The following EVI5 variants were observed in gnomAD, a reference collection of about 807,000 sequenced individuals.
EVI5 encodes ecotropic viral integration site 5 protein homolog.
A neutral mutation model predicts 112.0 loss-of-function variants in EVI5; 73 were observed. The ratio of observed to expected loss-of-function variants is 0.65; its 90% CI spans 0.54 to 0.79. The LOEUF is 0.79. EVI5 is among the 30% of genes least tolerant of loss of function. The pLI, the probability that EVI5 is intolerant of heterozygous loss-of-function variation, is 0.00. For missense variants in EVI5, 900 were observed against 968.8 expected, an observed-to-expected ratio of 0.93 and a Z score of 0.94; for synonymous variants, 305 against 319.9, an observed-to-expected ratio of 0.95 and a Z score of 0.50.
At position 92,729,848 on chromosome 1, in the gene EVI5, C is replaced by T. The variant is rs571668574; in HGVS notation, c.149+6550G>A. 1.4e-4 allele frequency among the ~76,000 whole-genome samples: 22 copies of T among 152,212 alleles called. No homozygotes were observed. In the South Asian group the frequency reaches 4.4e-3, roughly 30 times the overall value. ...TATGGAGCGCAGACTGTATCACAAA[C>T]AAAATTTTAGCAAATTGAATCCAAT... is the stretch of plus-strand genomic sequence containing the variant. On this transcript the variant is annotated intron_variant, in intron 2 of 19. Coordinates refer to ENST00000684568, the MANE Select transcript of EVI5 (RefSeq NM_001350197.2).
chr1:92,772,558 C>T (rs895980801), intron 1 of EVI5, among the ~76,000 whole-genome samples: 2 of 151,868 alleles, frequency 1.3e-5, no homozygotes, highest in African/African-American at 4.8e-5. Context: ...CACCACTATT[C>T]ATTTATCCAA....
At chr1:92,665,848 C>A in intron 11 of EVI5, 91 bp downstream of exon 11, 1 of 837,570 alleles carries the variant, frequency 1.2e-6, no homozygotes, top group Non-Finnish European at 1.9e-6. Flanking sequence ...ACATAGGAGA[C>A]ATGTGCCAGA....
chr1:92,687,203 T>C (rs1400449017), intron 9 of EVI5, among the ~76,000 whole-genome samples: 2 of 151,914 alleles, frequency 1.3e-5, no homozygotes, highest in African/African-American at 4.8e-5. Flanking sequence ...TATAGACCAA[T>C]GGAACAGAAC....
chr1:92,579,139 G>C (rs1003915864), intron 18 of EVI5, among the ~76,000 whole-genome samples: 1 of 152,196 alleles, frequency 6.6e-6, no homozygotes, highest in Non-Finnish European at 1.5e-5. Flanking sequence ...TCTGTAAAGA[G>C]TGATATCAAG....
In EVI5 at chr1:92,728,589, T is replaced by C. The variant is rs546048700; in HGVS notation, c.149+7809A>G. Among the ~76,000 whole-genome samples, 29 of 152,292 alleles carry C rather than the reference T, an allele frequency of 1.9e-4. No homozygotes were observed. The South Asian group carries it at 5.4e-3, about 28-fold the overall frequency. ...TTTTAGTAGAGACAGGGTTTCGCCA[T>C]GTTGGCCAGGTTGGTCTTGAACTCC... On this transcript the variant is annotated intron_variant, in intron 2 of 19. Transcript: ENST00000684568.
chr1:92,618,572 TCAA>T (rs1172082220), intron 16 of EVI5, among the ~76,000 whole-genome samples: 10 of 152,078 alleles, frequency 6.6e-5, no homozygotes, highest in African/African-American at 2.4e-4. Context: ...GTGATTAAGG[TCAA>T]TGGGAAACTA....
chr1:92,578,728 A>AG (rs1306705744), intron 18 of EVI5, among the ~76,000 whole-genome samples: 1 of 151,966 alleles, frequency 6.6e-6, no homozygotes. Flanking sequence ...AAAAAAAAAA[A>AG]AAAAGAAAAG....
chr1:92,649,238 G>A (rs1449915463), intron 13 of EVI5, among the ~76,000 whole-genome samples: 1 of 152,178 alleles, frequency 6.6e-6, no homozygotes, highest in Non-Finnish European at 1.5e-5. Context: ...TTGTTGTTGA[G>A]TTGTAAGAGT....
chr1:92,589,804 G>A (rs1188417274), intron 18 of EVI5, among the ~76,000 whole-genome samples: 1 of 152,174 alleles, frequency 6.6e-6, no homozygotes, highest in Non-Finnish European at 1.5e-5. Context: ...TCTGAGAACC[G>A]ACAGACTGCC....
chr1:92,570,973 T>G (rs1172260537), intron 18 of EVI5, among the ~76,000 whole-genome samples: 2 of 152,070 alleles, frequency 1.3e-5, no homozygotes, highest in Non-Finnish European at 2.9e-5. Context: ...ACTTTAAAAG[T>G]GTTTCTTGAA....
At chr1:92,700,372 T>C (rs1570439137) in intron 5 of EVI5, among the ~76,000 whole-genome samples, 1 of 152,180 alleles carries the variant, frequency 6.6e-6, no homozygotes, top group South Asian at 2.1e-4. Context: ...ATTTCTAAAC[T>C]GAAGTTATGG....
At chr1:92,596,640 G>GTA (rs1647966779) in intron 18 of EVI5, among the ~76,000 whole-genome samples, 1 of 152,078 alleles carries the variant, frequency 6.6e-6, no homozygotes, top group South Asian at 2.1e-4. Context: ...GCTTACTTAA[G>GTA]TATATATTAC....
At chr1:92,688,342 GT>G (rs1199101991) in intron 9 of EVI5, among the ~76,000 whole-genome samples, 3 of 151,784 alleles carry the variant, frequency 2.0e-5, no homozygotes, top group Admixed American at 2.0e-4. Context: ...AAACCTGTAC[GT>G]TGTGCACATG....
At chr1:92,736,673 T>A (rs200524869) in intron 1 of EVI5, 46 bp from the exon 2 acceptor site, 1 of 1,179,506 alleles carries the variant, frequency 8.5e-7, no homozygotes, top group Non-Finnish European at 1.3e-6. Flanking sequence ...TACACTGTAT[T>A]CATTACCGAG....
intron 9 of EVI5, among the ~76,000 whole-genome samples, chr1:92,679,364 C>T (rs185652227): frequency 1.2e-3 from 179 of 152,286 alleles, no homozygotes; most frequent in African/African-American, 4.2e-3. Flanking sequence ...CTCCAAAGAG[C>T]TGCAAAACAT....
chr1:92,522,610 G>C (rs1021048723), intron 19 of EVI5, among the ~76,000 whole-genome samples: 2 of 106,450 alleles, frequency 1.9e-5, no homozygotes, highest in African/African-American at 7.5e-5. Flanking sequence ...CAGCCTGGGT[G>C]ACAGAGCAAG....
At chr1:92,514,510 T>C (rs1231171900) in intron 19 of EVI5, among the ~76,000 whole-genome samples, 2 of 152,150 alleles carry the variant, frequency 1.3e-5, no homozygotes, top group Admixed American at 6.5e-5. Context: ...GATTTTAGTA[T>C]TTACTTTTCT....
intron 18 of EVI5, among the ~76,000 whole-genome samples, chr1:92,584,671 G>A (rs1672498032): frequency 6.6e-6 from 1 of 152,202 alleles, no homozygotes; most frequent in African/African-American, 2.4e-5. Flanking sequence ...CTCATATCAT[G>A]TACTACTGAT....
At chr1:92,718,250 G>C (rs548205044) in intron 2 of EVI5, among the ~76,000 whole-genome samples, 1 of 152,240 alleles carries the variant, frequency 6.6e-6, no homozygotes, top group Admixed American at 6.5e-5. Flanking sequence ...ATTCTTCTCA[G>C]CACCACATGG....
Sources: gnomAD v4.1 joint callset for allele counts (sites outside exome capture counted in the v4.1 genomes callset) on GRCh38, gnomAD v4.1.1 for gene constraint, MANE v1.5 for transcripts, NCBI Gene and HGNC (gene_info 2026-07-23, HGNC 2026-07-21) for gene names.